Variants in VWA2 observed in about 807,000 individuals in gnomAD.
The protein encoded by VWA2 is von Willebrand factor A domain-containing protein 2.
A neutral mutation model predicts 70.4 loss-of-function variants in VWA2; 73 were observed. The observed-to-expected ratio is 1.04, with a 90% confidence interval of 0.86 to 1.26. VWA2 has a LOEUF of 1.26. Among genes scored for constraint, VWA2 ranks in the 50% most tolerant of loss-of-function variants. The pLI, the probability that VWA2 is intolerant of heterozygous loss-of-function variation, is 0.00. For synonymous variants in VWA2, 407 were observed against 423.3 expected, an observed-to-expected ratio of 0.96 and a Z score of 0.47; for missense variants, 1,011 against 998.5, an observed-to-expected ratio of 1.01 and a Z score of -0.17.
chr10:114,261,215 C>A lies in VWA2; in HGVS notation c.291C>A (p.Ser97=), dbSNP rs71484937. Residue 97 remains serine (S), a synonymous_variant, in exon 5 of 14, where the codon TCC becomes TCA. Transcript: ENST00000392982. ...GAGTGGGAGCATTCCAGTTCAGTTC[C>A]ACTCCTCATCTGGAATTCCCCTTGG... ...RVRVGAFQFS[S]TPHLEFPLDS... 17 of 1,613,942 alleles carry A rather than the reference C, an allele frequency of 1.1e-5. No homozygotes were observed. Among genetic ancestry groups the A allele is most frequent in the Non-Finnish European group, 1.4e-5 (17 of 1,179,850 alleles).
In VWA2 at chr10:114,286,473, C is replaced by G; in HGVS notation, c.1532C>G (p.Pro511Arg). 1.3e-6 allele frequency: 2 copies of G among 1,596,430 alleles called. No homozygotes were observed. The highest frequency in any genetic ancestry group is 1.7e-6 in the Non-Finnish European group (2 of 1,168,356). Residue 511 changes from proline to arginine, a missense_variant, in exon 11 of 14, where the codon CCT (proline) becomes CGT (arginine). By Grantham distance (103) the Pro-to-Arg change is moderately radical. Coordinates refer to ENST00000392982, the MANE Select transcript of VWA2 (RefSeq NM_001272046.2). ...CCTCAGGATCTGTTCAACCAAATCCCTGAGCTGCAGGGGAAGCTGTGCAGC... is the reference window on the plus strand; with the variant it reads ...CCTCAGGATCTGTTCAACCAAATCCGTGAGCTGCAGGGGAAGCTGTGCAGC... ...SDPQDLFNQI[P>R]ELQGKLCSRQ...
rs1358031222 is a variant in VWA2 at position 114,254,932 on chromosome 10, G to T, written c.145G>T (p.Ala49Ser). ...CTCCCTAGTGATGTGGTGCTCGGCT[G>T]CAGTGGACATCATGTTTCTGTTAGA... ...AASKMMWCSA[A>S]VDIMFLLDGS... is the part of the protein sequence containing the mutation. The change falls in exon 4 of 14, where the codon GCA (alanine) becomes TCA (serine). Residue 49 changes from alanine (A) to serine (S), a missense_variant. Transcript: ENST00000392982. The T allele has an allele frequency of 6.8e-6, 11 of 1,613,320 alleles. No individual in the cohort carries two copies. The highest frequency in any genetic ancestry group is 1.7e-5 in the Admixed American group (1 of 60,012).
intron 1 of VWA2, chr10:114,246,505 C>CAAAAAAA (rs570510812): frequency 1.7e-4 from 66 of 384,926 alleles, no homozygotes; most frequent in African/African-American, 9.2e-4. Context: ...AACTCCATCT[C>CAAAAAAA]AAAAAAAAAA....
chr10:114,242,415 C>T (rs2036988565), intron 1 of VWA2, among the ~76,000 whole-genome samples: 1 of 152,214 alleles, frequency 6.6e-6, no homozygotes, highest in Admixed American at 6.5e-5. Flanking sequence ...CCGCATGCCT[C>T]ATAGTACCAG....
At chr10:114,252,334 A>C (rs1349738642) in intron 2 of VWA2, among the ~76,000 whole-genome samples, 3 of 152,050 alleles carry the variant, frequency 2.0e-5, no homozygotes, top group Non-Finnish European at 4.4e-5. Context: ...TAGAATCTCC[A>C]TGAGTAGAGA....
chr10:114,287,103 C>A (rs2038994194), intron 11 of VWA2, among the ~76,000 whole-genome samples: 1 of 152,154 alleles, frequency 6.6e-6, no homozygotes, highest in Admixed American at 6.5e-5. Context: ...TTTTTATGAC[C>A]CCTATTGGAA....
chr10:114,248,984 C>T (rs2037136560), intron 2 of VWA2, among the ~76,000 whole-genome samples: 1 of 152,130 alleles, frequency 6.6e-6, no homozygotes, highest in Admixed American at 6.5e-5. Flanking sequence ...TCCTCCAACC[C>T]ATTCTCCATG....
rs966170039 is a variant in VWA2, at chr10:114,294,018, G to T, written c.*2781G>T. Among the ~76,000 whole-genome samples, 1 of 152,082 alleles carries T rather than the reference G, an allele frequency of 6.6e-6. No homozygotes were observed. Among genetic ancestry groups the T allele is most frequent in the Non-Finnish European group, 1.5e-5 (1 of 68,004 alleles). On this transcript the variant is annotated 3_prime_UTR_variant, in exon 14 of 14. Transcript: ENST00000392982. Reference sequence around the variant, plus strand: ...GTGTTTATTACATGTTGAGATTTATGGTATGCTTTTTCTTCCTCAAGATAA... The same window carrying T: ...GTGTTTATTACATGTTGAGATTTATTGTATGCTTTTTCTTCCTCAAGATAA...
intron 11 of VWA2, 142 bp downstream of exon 11, chr10:114,286,653 A>G (rs1032008539): frequency 4.4e-5 from 31 of 701,050 alleles, no homozygotes; most frequent in Middle Eastern, 4.0e-4. Context: ...CACCAGTCAC[A>G]TAAATAATTT....
chr10:114,244,854 G>A (rs971945994), intron 1 of VWA2, among the ~76,000 whole-genome samples: 7 of 152,240 alleles, frequency 4.6e-5, no homozygotes, highest in African/African-American at 1.7e-4. Context: ...CCCTGAAAGG[G>A]TCCCTCTAGC....
Position 114,284,459 on chromosome 10 carries a change from G to A in VWA2, c.890-404G>A, listed in dbSNP as rs546665627. On this transcript the variant is annotated intron_variant, in intron 9 of 13. Coordinates refer to ENST00000392982, the MANE Select transcript of VWA2 (RefSeq NM_001272046.2). ...AGCCTGACTGCAGGATCCGAAGGCT[G>A]GTGTGTTTTGCTGTGCCAGGTGCAG... 7.4e-4 allele frequency among the ~76,000 whole-genome samples: 113 copies of A among 152,314 alleles called. 1 individual carries two copies. Among genetic ancestry groups the A allele is most frequent in the African/African-American group, 2.7e-3 (111 of 41,562 alleles).
chr10:114,287,515 G>T (rs2039051828), intron 11 of VWA2, among the ~76,000 whole-genome samples: 1 of 152,044 alleles, frequency 6.6e-6, no homozygotes, highest in Non-Finnish European at 1.5e-5. Flanking sequence ...TTGGTAGGTG[G>T]GCATGGGAAG....
intron 1 of VWA2, chr10:114,246,733 A>T: frequency 6.6e-7 from 1 of 1,510,594 alleles, no homozygotes; most frequent in South Asian, 1.1e-5. Context: ...GTGCAGGGGG[A>T]GAAATCCTTG....
chr10:114,285,076 T>C (rs2133535168), intron 10 of VWA2, 106 bp downstream of exon 10: 1 of 853,372 alleles, frequency 1.2e-6, no homozygotes, highest in Non-Finnish European at 1.7e-6. Context: ...AACTGGCCCT[T>C]GAACCATCTG....
chr10:114,286,828 T>A (rs972688026), intron 11 of VWA2, among the ~76,000 whole-genome samples: 6 of 152,186 alleles, frequency 3.9e-5, no homozygotes, highest in Non-Finnish European at 5.9e-5. Context: ...TTGTTGTTGT[T>A]ACTAAGAGCT....
intron 1 of VWA2, among the ~76,000 whole-genome samples, chr10:114,245,381 G>T (rs1405950339): frequency 6.6e-6 from 1 of 152,132 alleles, no homozygotes; most frequent in Non-Finnish European, 1.5e-5. Flanking sequence ...CAGCAGCCTG[G>T]GGAGGTGGCT....
rs1203622856 is a variant in VWA2 at position 114,277,979 on chromosome 10, T to C, written c.632T>C (p.Val211Ala). ...RGQHVLLAEQ[V>A]EDATNGLFST... Reference sequence around the variant, plus strand: ...CAGCACGTGCTGTTGGCTGAGCAGGTGGAGGATGCCACCAACGGCCTCTTC... The same window carrying C: ...CAGCACGTGCTGTTGGCTGAGCAGGCGGAGGATGCCACCAACGGCCTCTTC... Residue 211 changes from valine (V) to alanine (A), a missense_variant, in exon 7 of 14, where the codon GTG becomes GCG. Physicochemically the swap from Val to Ala is moderately conservative, Grantham distance 64. Transcript: ENST00000392982. The C allele has an allele frequency of 3.1e-6, 5 of 1,612,958 alleles. No homozygotes were observed. The African/African-American group carries it at 4.0e-5, about 13-fold the overall frequency.
chr10:114,277,250 C>G (rs544833890), intron 6 of VWA2, among the ~76,000 whole-genome samples: 26 of 133,460 alleles, frequency 1.9e-4, no homozygotes, highest in Non-Finnish European at 3.6e-4. Context: ...GTGGCACAAT[C>G]TCGGCTCACT....
Position 114,254,969 on chromosome 10 carries a change from G to T in VWA2, c.182G>T (p.Ser61Ile). ...DIMFLLDGSN[S>I]VGKGSFERSK... ...ATGTTTCTGTTAGATGGGTCTAACA[G>T]CGTCGGGAAAGGGAGCTTTGAAAGG... Residue 61 changes from serine (S) to isoleucine (I), a missense_variant, in exon 4 of 14, where the codon AGC becomes ATC. Ser to Ile is a moderately radical substitution (Grantham distance 142). Coordinates refer to ENST00000392982, the MANE Select transcript of VWA2 (RefSeq NM_001272046.2). 1 of 1,613,462 alleles carries T rather than the reference G, an allele frequency of 6.2e-7. No homozygotes were observed. Among genetic ancestry groups the T allele is most frequent in the Non-Finnish European group, 8.5e-7 (1 of 1,179,972 alleles).
Sources: gnomAD v4.1 joint callset for allele counts (sites outside exome capture counted in the v4.1 genomes callset) on GRCh38, gnomAD v4.1.1 for gene constraint, MANE v1.5 for transcripts, NCBI Gene and HGNC (gene_info 2026-07-23, HGNC 2026-07-21) for gene names.